The following MASTL variants were observed in gnomAD, a reference collection of about 807,000 sequenced individuals.
MASTL encodes the protein serine/threonine-protein kinase greatwall.
A neutral mutation model predicts 82.5 loss-of-function variants in MASTL; 54 were observed. That is an observed-to-expected ratio of 0.65 (90% confidence interval 0.53 to 0.82). The LOEUF (loss-of-function observed/expected upper bound fraction) is 0.82. Among genes scored for constraint, MASTL ranks in the 40% least tolerant of loss-of-function variants. The pLI is 0.00. For missense variants in MASTL, 950 were observed against 1,047.8 expected, an observed-to-expected ratio of 0.91 and a Z score of 1.29; for synonymous variants, 323 against 368.9, an observed-to-expected ratio of 0.88 and a Z score of 1.43.
At position 27,187,806 on chromosome 10, in the gene MASTL, G is replaced by A. The variant is rs2058858966; in HGVS notation, c.*1270G>A. Among the ~76,000 whole-genome samples, 3 of 151,548 alleles carry A rather than the reference G, an allele frequency of 2.0e-5. No individual in the cohort carries two copies. The highest frequency in any genetic ancestry group is 4.4e-5 in the Non-Finnish European group (3 of 67,948). On this transcript the variant is annotated 3_prime_UTR_variant, in exon 12 of 12. Coordinates refer to ENST00000375940, the MANE Select transcript of MASTL (RefSeq NM_001172303.3). ...TAGGTGTGATATAATGTAGCAATTT[G>A]AATAGCTTGTTCAATTTTAATAGAA...
At chr10:27,155,337 C>G (rs2057315863), upstream of MASTL, 6 of 1,328,900 alleles carry the variant, frequency 4.5e-6, no homozygotes, top group East Asian at 1.5e-4. Flanking sequence ...CCGCGCGCGG[C>G]GTGGGCGGAG....
intron 1 of MASTL, among the ~76,000 whole-genome samples, chr10:27,157,689 T>C (rs1377574712): frequency 1.3e-5 from 2 of 152,214 alleles, no homozygotes; most frequent in Non-Finnish European, 2.9e-5. Context: ...TTAATAGTTC[T>C]GTTTCTGTAC....
intron 1 of MASTL, 62 bp downstream of exon 1, chr10:27,155,674 CG>C: frequency 1.3e-6 from 2 of 1,592,192 alleles, no homozygotes; most frequent in Non-Finnish European, 8.6e-7. Context: ...CCTGCCCCAC[CG>C]GCTTGGGCAG....
At chr10:27,161,000 G>T (rs2057553167) in intron 3 of MASTL, 94 bp from the exon 4 acceptor site, 1 of 822,048 alleles carries the variant, frequency 1.2e-6, no homozygotes, top group Non-Finnish European at 2.1e-6. Flanking sequence ...AAATAAATAG[G>T]GTTTGCCTCC....
chr10:27,161,184 T>C lies in MASTL; in HGVS notation c.553+2T>C. ...TTTCAAAAGTTACTTTGAATAGAGGTAAGAAAAATATCAAGTAAGTACTTT... is the reference window on the plus strand; with the variant it reads ...TTTCAAAAGTTACTTTGAATAGAGGCAAGAAAAATATCAAGTAAGTACTTT... On this transcript the variant is annotated splice_donor_variant, in intron 4 of 11. Coordinates refer to ENST00000375940, the MANE Select transcript of MASTL (RefSeq NM_001172303.3). LOFTEE classifies it high-confidence loss of function. The C allele has an allele frequency of 6.6e-7, 1 of 1,509,912 alleles. No individual in the cohort carries two copies. The highest frequency in any genetic ancestry group is 9.2e-7 in the Non-Finnish European group (1 of 1,085,448). 93.5% of individuals were successfully genotyped at this position (1,509,912 alleles called of 1,614,324 possible).
chr10:27,178,951 T>A (rs1332127386), intron 9 of MASTL, among the ~76,000 whole-genome samples: 1 of 152,176 alleles, frequency 6.6e-6, no homozygotes, highest in Non-Finnish European at 1.5e-5. Flanking sequence ...ATTATATGGC[T>A]CGCAGGTAAA....
intron 9 of MASTL, among the ~76,000 whole-genome samples, chr10:27,175,525 A>C (rs2058076553): frequency 6.6e-6 from 1 of 152,024 alleles, no homozygotes. Flanking sequence ...CCTTATTGTC[A>C]AATCCAATTG....
chr10:27,186,593 T>A lies in MASTL; in HGVS notation c.*57T>A. 7.1e-7 allele frequency: 1 copy of A among 1,401,052 alleles called. No homozygotes were observed. The highest frequency in any genetic ancestry group is 1.2e-5 in the South Asian group (1 of 86,936). 86.8% of individuals were successfully genotyped at this position (1,401,052 alleles called of 1,614,324 possible). A position where few individuals can be genotyped will look rare whatever the true frequency, so the allele number is the denominator to read the frequency against. On this transcript the variant is annotated 3_prime_UTR_variant, in exon 12 of 12. Coordinates refer to ENST00000375940, the MANE Select transcript of MASTL (RefSeq NM_001172303.3). ...GTTATAGAATGAACTTGCATAATTA[T>A]ATACTCCTTAATACTAGATTGATCT... is the stretch of plus-strand genomic sequence containing the variant.
At chr10:27,158,439 C>G in intron 1 of MASTL, 110 bp from the exon 2 acceptor site, 1 of 864,284 alleles carries the variant, frequency 1.2e-6, no homozygotes, top group Non-Finnish European at 1.8e-6. Context: ...CCTAGGAAAT[C>G]AAGGCTGCAA....
At position 27,181,556 on chromosome 10, in the gene MASTL, T is replaced by C. The variant is rs758680092; in HGVS notation, c.2457T>C (p.Asp819=). 5.0e-6 allele frequency: 8 copies of C among 1,611,634 alleles called. No individual in the cohort carries two copies. In the East Asian group the frequency reaches 1.6e-4, roughly 31 times the overall value. ...QSAVEILLTI[D]DTKRAGMKEL... is the part of the protein sequence containing the mutation. ...CAGTAGAAATACTTTTAACCATTGA[T>C]GATACAAAGAGAGCTGGAATGAAAG... The change falls in exon 11 of 12, where the codon GAT becomes GAC. Residue 819 remains aspartate (D), a synonymous_variant. Transcript: ENST00000375940.
At chr10:27,172,391 C>T (rs1485161856) in intron 8 of MASTL, among the ~76,000 whole-genome samples, 5 of 152,140 alleles carry the variant, frequency 3.3e-5, no homozygotes, top group East Asian at 3.9e-4. Context: ...GAATGCCAGG[C>T]GTGGTGGCTC....
rs770741378 is a variant in MASTL, at chr10:27,158,609, G to T, written c.247G>T (p.Asp83Tyr). The change falls in exon 2 of 12, where the codon GAT (aspartate) becomes TAT (tyrosine). Residue 83 changes from aspartate (D) to tyrosine (Y), a missense_variant. Transcript: ENST00000375940. ...NMTHQVQAER[D>Y]ALALSKSPFI... ...GACTCATCAGGTCCAAGCTGAGAGAGATGCACTGGCACTAAGCAAAAGCCC... is the reference window on the plus strand; with the variant it reads ...GACTCATCAGGTCCAAGCTGAGAGATATGCACTGGCACTAAGCAAAAGCCC... 5 of 1,612,996 alleles carry T rather than the reference G, an allele frequency of 3.1e-6. No homozygotes were observed. The Admixed American group carries it at 5.0e-5, about 16-fold the overall frequency.
chr10:27,182,110 G>A (rs890247246), intron 11 of MASTL, among the ~76,000 whole-genome samples: 1 of 150,958 alleles, frequency 6.6e-6, no homozygotes, highest in African/African-American at 2.4e-5. Context: ...ATTAGGCCCA[G>A]CGTGGTGGCG....
At chr10:27,164,563 A>G (rs1308034832) in intron 4 of MASTL, among the ~76,000 whole-genome samples, 3 of 152,200 alleles carry the variant, frequency 2.0e-5, no homozygotes, top group Non-Finnish European at 2.9e-5. Context: ...GTCAGTTTCT[A>G]TCTTGACCTA....
intron 11 of MASTL, among the ~76,000 whole-genome samples, 184 bp downstream of exon 11, chr10:27,181,765 C>A (rs1263153821): frequency 6.6e-6 from 1 of 152,062 alleles, no homozygotes; most frequent in East Asian, 1.9e-4. Flanking sequence ...ATGGCGAAAG[C>A]CCATCTCTAC....
At chr10:27,165,002 T>C (rs1394529403) in intron 4 of MASTL, 62 bp from the exon 5 acceptor site, 1 of 1,071,712 alleles carries the variant, frequency 9.3e-7, no homozygotes, top group East Asian at 2.5e-5. Context: ...ATAACATTCA[T>C]TTTTAGTCAA....
chr10:27,165,364 GTTTTTA>G lies in MASTL; in HGVS notation c.661-19_661-14del. 6.2e-7 allele frequency: 1 copy of G among 1,613,254 alleles called. No homozygotes were observed. Among genetic ancestry groups the G allele is most frequent in the Non-Finnish European group, 8.5e-7 (1 of 1,179,610 alleles). On this transcript the variant is annotated intron_variant, in intron 5 of 11. Coordinates refer to ENST00000375940, the MANE Select transcript of MASTL (RefSeq NM_001172303.3). Reference sequence around the variant, plus strand: ...GTGTTTTGGGGAAGGTAAACCTGTTGTTTTTATTTTTCTCTTTTTAATAGAACACAC... The same window carrying G: ...GTGTTTTGGGGAAGGTAAACCTGTTGTTTTTCTCTTTTTAATAGAACACAC...
intron 6 of MASTL, among the ~76,000 whole-genome samples, chr10:27,166,339 A>C (rs951854576): frequency 1.3e-5 from 2 of 152,234 alleles, no homozygotes; most frequent in African/African-American, 2.4e-5. Context: ...AATTAAATAC[A>C]AGTGTTAAAT....
intron 9 of MASTL, among the ~76,000 whole-genome samples, chr10:27,176,919 C>T (rs1047525604): frequency 3.3e-5 from 5 of 150,036 alleles, no homozygotes; most frequent in Non-Finnish European, 7.4e-5. Flanking sequence ...AGTCTTGGCT[C>T]ACTGCAACTC....
Sources: allele counts gnomAD v4.1 joint callset (sites outside exome capture counted in the v4.1 genomes callset), GRCh38; gene constraint gnomAD v4.1.1; transcripts MANE v1.5; gene names NCBI Gene and HGNC (gene_info 2026-07-23, HGNC 2026-07-21).